The following GRIA4 variants were observed in gnomAD, a reference collection of about 807,000 sequenced individuals.
GRIA4 encodes glutamate receptor 4.
Under a neutral mutation model 104.0 loss-of-function variants are expected in GRIA4, and 34 were observed. The observed-to-expected ratio is 0.33, with a 90% CI of 0.25 to 0.44. GRIA4 has a LOEUF of 0.44. GRIA4 is among the 20% of genes least tolerant of loss of function. GRIA4 has a pLI of 1.00. For synonymous variants in GRIA4, 386 were observed against 381.9 expected (o/e 1.01, Z -0.13); for missense variants, 750 against 1,096.5 (o/e 0.68, Z 4.46).
In GRIA4 at chr11:105,871,598, C is replaced by A. The variant is rs555220421; in HGVS notation, c.672+9390C>A. Among the ~76,000 whole-genome samples, 49 of 151,514 alleles carry A rather than the reference C, an allele frequency of 3.2e-4. No homozygotes were observed. In the South Asian group the frequency reaches 0.01, roughly 31 times the overall value. On this transcript the variant is annotated intron_variant, in intron 5 of 16. Transcript: ENST00000282499. ...ACAGGGTATCTACTTACATCTGTGT[C>A]TTTATGAATCCACTTCAGAGGAAGC...
intron 10 of GRIA4, among the ~76,000 whole-genome samples, chr11:105,917,309 A>G (rs1050127415): frequency 6.6e-6 from 1 of 152,220 alleles, no homozygotes; most frequent in Admixed American, 6.5e-5. Context: ...AGAAGGACCA[A>G]TCCTGGATAA....
chr11:105,814,458 A>C (rs1465799592), intron 4 of GRIA4, among the ~76,000 whole-genome samples: 1 of 152,202 alleles, frequency 6.6e-6, no homozygotes, highest in African/African-American at 2.4e-5. Flanking sequence ...ACTACTACTA[A>C]GTAGGATAAG....
chr11:105,703,399 T>C (rs977953726), intron 3 of GRIA4, among the ~76,000 whole-genome samples: 3 of 152,146 alleles, frequency 2.0e-5, no homozygotes, highest in African/African-American at 7.2e-5. Context: ...CCAGGGGAAA[T>C]GTTAAATAGG....
At chr11:105,793,247 G>A (rs1392482860) in intron 4 of GRIA4, among the ~76,000 whole-genome samples, 1 of 152,114 alleles carries the variant, frequency 6.6e-6, no homozygotes, top group Non-Finnish European at 1.5e-5. Context: ...AGTCTCTTGA[G>A]TGCATCCACA....
chr11:105,635,557 T>C (rs1951181713), intron 3 of GRIA4, among the ~76,000 whole-genome samples: 1 of 152,204 alleles, frequency 6.6e-6, no homozygotes, highest in South Asian at 2.1e-4. Flanking sequence ...TAAATTTCTG[T>C]GGGACTCACA....
chr11:105,686,604 T>C (rs1375885539), intron 3 of GRIA4, among the ~76,000 whole-genome samples: 1 of 152,228 alleles, frequency 6.6e-6, no homozygotes, highest in African/African-American at 2.4e-5. Flanking sequence ...ATGAGATTGC[T>C]AAGTCTAATG....
At chr11:105,895,759 CT>C (rs1246016561) in intron 6 of GRIA4, among the ~76,000 whole-genome samples, 2 of 152,094 alleles carry the variant, frequency 1.3e-5, no homozygotes, top group Non-Finnish European at 2.9e-5. Context: ...TGGACACCAT[CT>C]TTTTTCCTAC....
At position 105,725,187 on chromosome 11, in the gene GRIA4, G is replaced by C. The variant is rs559657049; in HGVS notation, c.248-27794G>C. Among the ~76,000 whole-genome samples, 117 of 152,256 alleles carry C rather than the reference G, an allele frequency of 7.7e-4. 1 individual carries two copies. The highest frequency in any genetic ancestry group is 1.1e-3 in the Non-Finnish European group (73 of 68,014). On this transcript the variant is annotated intron_variant, in intron 3 of 16. Coordinates refer to ENST00000282499, the MANE Select transcript of GRIA4 (RefSeq NM_000829.4). Reference sequence around the variant, plus strand: ...TCAAGCATTGAAACAGTTTAAGCATGCAATATTAGCTATTTCTCATCATCT... The same window carrying C: ...TCAAGCATTGAAACAGTTTAAGCATCCAATATTAGCTATTTCTCATCATCT...
intron 3 of GRIA4, among the ~76,000 whole-genome samples, chr11:105,749,387 G>T (rs764201428): frequency 3.1e-4 from 47 of 152,186 alleles, no homozygotes; most frequent in Non-Finnish European, 4.4e-4. Flanking sequence ...TAAAAGAAAA[G>T]AGTTGAGCTT....
At chr11:105,898,510 C>A in intron 7 of GRIA4, 83 bp downstream of exon 7, 1 of 865,346 alleles carries the variant, frequency 1.2e-6, no homozygotes, top group Non-Finnish European at 1.8e-6. Flanking sequence ...TTTCCATTAA[C>A]ATTTTGCCAA....
chr11:105,942,698 C>A (rs1002169142), intron 14 of GRIA4, among the ~76,000 whole-genome samples: 89 of 152,122 alleles, frequency 5.9e-4, no homozygotes, highest in African/African-American at 1.9e-3. Flanking sequence ...TTTTGTGATG[C>A]TTTCATGCTG....
At chr11:105,665,297 T>C (rs1216011844) in intron 3 of GRIA4, among the ~76,000 whole-genome samples, 1 of 152,004 alleles carries the variant, frequency 6.6e-6, no homozygotes, top group Non-Finnish European at 1.5e-5. Context: ...GGTACTAACT[T>C]AAGACAATTA....
At chr11:105,723,647 G>T (rs1937988534) in intron 3 of GRIA4, among the ~76,000 whole-genome samples, 1 of 152,000 alleles carries the variant, frequency 6.6e-6, no homozygotes, top group South Asian at 2.1e-4. Flanking sequence ...CCTTGATCTA[G>T]ACCATTCACT....
intron 4 of GRIA4, among the ~76,000 whole-genome samples, chr11:105,832,827 T>C (rs1396406061): frequency 1.3e-5 from 2 of 152,024 alleles, no homozygotes; most frequent in Non-Finnish European, 2.9e-5. Flanking sequence ...TCCTTCTCTT[T>C]CTGGTGTACG....
At chr11:105,850,838 G>A (rs141311006) in intron 4 of GRIA4, among the ~76,000 whole-genome samples, 202 of 152,258 alleles carry the variant, frequency 1.3e-3, no homozygotes, top group Non-Finnish European at 1.6e-3. Flanking sequence ...ATCCAGCAGT[G>A]CTTCGTGGTC....
rs1859230273 is a variant in GRIA4 at position 105,980,960 on chromosome 11, T to G, written c.*1221T>G. On this transcript the variant is annotated 3_prime_UTR_variant, in exon 17 of 17. Transcript: ENST00000282499. ...CAACAACATACCTTGTAATTGTGTG[T>G]TGAAATTTTACTTGACTGTATTTTG... The G allele has an allele frequency of 6.6e-6, 1 of 152,652 alleles. No homozygotes were observed. Among genetic ancestry groups the G allele is most frequent in the Non-Finnish European group, 1.5e-5 (1 of 68,032 alleles). The allele number at this position is 152,652 out of a possible 1,614,324, so 9.5% of individuals were successfully genotyped here. A position where few individuals can be genotyped will look rare whatever the true frequency, so the allele number is the denominator to read the frequency against.
intron 5 of GRIA4, among the ~76,000 whole-genome samples, chr11:105,866,551 G>GTGTGTGTGTATATA (rs1299256765): frequency 7.8e-5 from 6 of 76,752 alleles, no homozygotes; most frequent in African/African-American, 3.9e-4. Context: ...GTGTGTGTGT[G>GTGTGTGTGTATATA]TATATATATA....
chr11:105,835,344 T>C (rs1944136461), intron 4 of GRIA4, among the ~76,000 whole-genome samples: 1 of 152,058 alleles, frequency 6.6e-6, no homozygotes, highest in Non-Finnish European at 1.5e-5. Context: ...TTATATGATA[T>C]TATAAATTAT....
chr11:105,868,426 T>A (rs920120509), intron 5 of GRIA4, among the ~76,000 whole-genome samples: 5 of 152,132 alleles, frequency 3.3e-5, no homozygotes, highest in African/African-American at 1.2e-4. Flanking sequence ...TGAAATCTTA[T>A]CTCCATCAGG....
Sources: gnomAD v4.1 joint callset for allele counts (sites outside exome capture counted in the v4.1 genomes callset) on GRCh38, gnomAD v4.1.1 for gene constraint, MANE v1.5 for transcripts, NCBI Gene and HGNC (gene_info 2026-07-23, HGNC 2026-07-21) for gene names.